Variants in ADGRG4 observed in about 807,000 individuals in gnomAD.
The protein encoded by ADGRG4 is adhesion G protein-coupled receptor G4.
A neutral mutation model predicts 126.2 loss-of-function variants in ADGRG4; 122 were observed. The observed-to-expected ratio is 0.97, with a 90% CI of 0.83 to 1.12. The LOEUF (loss-of-function observed/expected upper bound fraction) is 1.12, where lower values mean the gene tolerates loss of function less well. Ranked by LOEUF, ADGRG4 falls within the 50% of genes most tolerant of loss-of-function variation. The pLI is 0.00. For missense variants in ADGRG4, 2,481 were observed against 2,251.8 expected, an observed-to-expected ratio of 1.10 and a Z score of -2.06; for synonymous variants, 943 against 838.7, an observed-to-expected ratio of 1.12 and a Z score of -2.15.
intron 5 of ADGRG4, among the ~76,000 whole-genome samples, chrX:136,330,497 G>A (rs1293570384): frequency 9.3e-6 from 1 of 107,817 alleles, no homozygotes; most frequent in Non-Finnish European, 1.9e-5. Flanking sequence ...GTATGGATAT[G>A]TTACAGTTTA....
intron 13 of ADGRG4, among the ~76,000 whole-genome samples, chrX:136,363,825 T>C (rs1284331794): frequency 9.0e-6 from 1 of 111,377 alleles, no homozygotes; most frequent in Non-Finnish European, 1.9e-5. Context: ...ATATATATAT[T>C]TGAGATGGAG....
At chrX:136,407,535 A>G (rs139210758) in intron 23 of ADGRG4, among the ~76,000 whole-genome samples, 38 of 111,673 alleles carry the variant, frequency 3.4e-4, no homozygotes, top group African/African-American at 1.1e-3. Flanking sequence ...TGGTTTTTGC[A>G]TTTATGTTTT....
intron 5 of ADGRG4, among the ~76,000 whole-genome samples, chrX:136,339,563 G>A (rs184282626): frequency 3.4e-3 from 378 of 112,271 alleles, no homozygotes; most frequent in Non-Finnish European, 6.4e-3. Context: ...AGCCTACTTG[G>A]ACTGACTTCT....
intron 15 of ADGRG4, among the ~76,000 whole-genome samples, chrX:136,378,095 G>A (rs1369058708): frequency 3.6e-5 from 4 of 111,066 alleles, no homozygotes; most frequent in African/African-American, 1.3e-4. Flanking sequence ...GTAATATTGA[G>A]TCTTCTAATC....
At chrX:136,333,751 C>G (rs1266426256) in intron 5 of ADGRG4, among the ~76,000 whole-genome samples, 1 of 111,558 alleles carries the variant, frequency 9.0e-6, no homozygotes, top group Non-Finnish European at 1.9e-5. Flanking sequence ...CTCTTGACCT[C>G]AAATTCTCCA....
chrX:136,414,676 G>A (rs1007078150), intron 25 of ADGRG4, among the ~76,000 whole-genome samples: 17 of 112,327 alleles, frequency 1.5e-4, no homozygotes, highest in African/African-American at 2.6e-4. Flanking sequence ...AGTCCAATCC[G>A]TTCATTTTAC....
At chrX:136,380,651 CCTCCTCCTCCTCCTCCTCT>C (rs2075257889) in intron 15 of ADGRG4, among the ~76,000 whole-genome samples, 1 of 73,191 alleles carries the variant, frequency 1.4e-5, no homozygotes, top group Non-Finnish European at 2.7e-5. Flanking sequence ...TCTTCTTCTT[CCTCCTCCTCCTCCTCCTCT>C]TCCTCCTCCT....
At chrX:136,355,171 A>G (rs954665548) in intron 8 of ADGRG4, among the ~76,000 whole-genome samples, 1 of 110,775 alleles carries the variant, frequency 9.0e-6, no homozygotes, top group African/African-American at 3.3e-5. Context: ...AAAGACTGTA[A>G]CAAGGGCTAT....
At chrX:136,387,672 G>A in intron 15 of ADGRG4, 68 bp from the exon 16 acceptor site, 1 of 1,032,475 alleles carries the variant, frequency 9.7e-7, no homozygotes, top group South Asian at 2.1e-5. Context: ...AGCTGGGGTG[G>A]GAGGTGGGCA....
chrX:136,346,359 T>C lies in ADGRG4; in HGVS notation c.2653T>C (p.Ser885Pro). 2.5e-6 allele frequency: 3 copies of C among 1,209,722 alleles called. No individual in the cohort carries two copies. The highest frequency in any genetic ancestry group is 3.4e-6 in the Non-Finnish European group (3 of 894,364). The change falls in exon 6 of 26, where the codon TCC (serine) becomes CCC (proline). Residue 885 changes from serine (S) to proline (P), a missense_variant. Coordinates refer to ENST00000394143, the MANE Select transcript of ADGRG4 (RefSeq NM_153834.4). ...AQRVTASVTV[S>P]SFPDIEKLST... ...AAGGGTGACAGCTTCTGTCACTGTT[T>C]CCTCTTTTCCTGATATAGAAAAGCT...
At chrX:136,333,608 C>T (rs921660031) in intron 5 of ADGRG4, among the ~76,000 whole-genome samples, 4 of 111,692 alleles carry the variant, frequency 3.6e-5, no homozygotes, top group African/African-American at 1.3e-4. Flanking sequence ...ACTTCCACCT[C>T]CTGGATTCAA....
chrX:136,316,310 T>C (rs1440336740), intron 4 of ADGRG4, among the ~76,000 whole-genome samples: 1 of 110,402 alleles, frequency 9.1e-6, no homozygotes, highest in Non-Finnish European at 1.9e-5. Flanking sequence ...CTTTGCCTTC[T>C]AAGAAAGGGT....
chrX:136,348,151 C>T lies in ADGRG4; in HGVS notation c.4445C>T (p.Ser1482Phe). Residue 1482 changes from serine to phenylalanine, a missense_variant, in exon 6 of 26, where the codon TCC (serine) becomes TTC (phenylalanine). Coordinates refer to ENST00000394143, the MANE Select transcript of ADGRG4 (RefSeq NM_153834.4). ...GLYNDGFTVLSDRITTAFSVP... is the reference protein window; with the variant it reads ...GLYNDGFTVLFDRITTAFSVP... ...TATAATGACGGTTTTACAGTTCTCTCCGACAGGATCACTACAGCCTTTTCT... is the reference window on the plus strand; with the variant it reads ...TATAATGACGGTTTTACAGTTCTCTTCGACAGGATCACTACAGCCTTTTCT... 3.3e-6 allele frequency: 4 copies of T among 1,209,233 alleles called. No homozygotes were observed. Among genetic ancestry groups the T allele is most frequent in the South Asian group, 3.5e-5 (2 of 56,843 alleles).
In ADGRG4 at chrX:136,387,875, G is replaced by T. The variant is rs1241725448; in HGVS notation, c.7911+1G>T. 4 of 1,202,983 alleles carry T rather than the reference G, an allele frequency of 3.3e-6. No individual in the cohort carries two copies. Among genetic ancestry groups the T allele is most frequent in the Non-Finnish European group, 4.5e-6 (4 of 889,938 alleles). On this transcript the variant is annotated splice_donor_variant, in intron 16 of 25. Transcript: ENST00000394143. LOFTEE classifies it high-confidence loss of function. ...CTTTGGCCAAACTTCACTCTTTAAG[G>T]TAAATTCTTGCCTGTGGTAACTGTG...
In ADGRG4 at chrX:136,392,363, T is replaced by A; in HGVS notation, c.8034+9T>A. The A allele has an allele frequency of 8.7e-7, 1 of 1,143,077 alleles. No individual in the cohort carries two copies. The highest frequency in any genetic ancestry group is 1.2e-6 in the Non-Finnish European group (1 of 855,685). The allele number at this position is 1,143,077 out of a possible 1,213,427, so 94.2% of individuals were successfully genotyped here. On this transcript the variant is annotated intron_variant, in intron 17 of 25. Transcript: ENST00000394143. ...ATATTGGAGGAAACCAGGTAATATA[T>A]CTATTTTCAGCTCAGAATCAAATGG...
chrX:136,347,284 G>A lies in ADGRG4; in HGVS notation c.3578G>A (p.Gly1193Asp), dbSNP rs754421302. ...YALSFPYTFS[G>D]GGVVASLATG... is the part of the protein sequence containing the mutation. ...CTCAGCTTCCCATATACTTTCAGTG[G>A]TGGTGGAGTTGTTGCCAGCTTGGCT... Residue 1193 changes from glycine to aspartate, a missense_variant, in exon 6 of 26, where the codon GGT (glycine) becomes GAT (aspartate). By Grantham distance (94) the Gly-to-Asp change is moderately conservative. Transcript: ENST00000394143. The A allele has an allele frequency of 1.7e-6, 2 of 1,211,256 alleles. No homozygotes were observed. The highest frequency in any genetic ancestry group is 2.2e-5 in the Admixed American group (1 of 46,003).
intron 1 of ADGRG4, among the ~76,000 whole-genome samples, chrX:136,303,882 G>A (rs905799380): frequency 2.7e-4 from 30 of 110,481 alleles, no homozygotes; most frequent in African/African-American, 9.5e-4. Flanking sequence ...CAGATTAAGG[G>A]TCTTTTCTAG....
chrX:136,345,270 A>G lies in ADGRG4; in HGVS notation c.1564A>G (p.Thr522Ala). The G allele has an allele frequency of 8.3e-7, 1 of 1,210,829 alleles. No individual in the cohort carries two copies. The highest frequency in any genetic ancestry group is 1.1e-6 in the Non-Finnish European group (1 of 894,760). ...TATTGAGACCACACCTGCCCCAAGG[A>G]CAGCTGAAACAGAATTGACATCTAC... Reference protein sequence around the residue: ...RLIETTPAPRTAETELTSTNF... With the variant: ...RLIETTPAPRAAETELTSTNF... The change falls in exon 6 of 26, where the codon ACA (threonine) becomes GCA (alanine). Residue 522 changes from threonine (T) to alanine (A), a missense_variant. By Grantham distance (58) the Thr-to-Ala change is moderately conservative. Coordinates refer to ENST00000394143, the MANE Select transcript of ADGRG4 (RefSeq NM_153834.4).
intron 20 of ADGRG4, 35 bp downstream of exon 20, chrX:136,398,037 A>G (rs140347681): frequency 1.3e-4 from 147 of 1,167,318 alleles, no homozygotes; most frequent in Non-Finnish European, 1.6e-4. Flanking sequence ...AGCACATTTA[A>G]TTTGGTTTGA....
Sources: gnomAD v4.1 joint callset for allele counts (sites outside exome capture counted in the v4.1 genomes callset) on GRCh38, gnomAD v4.1.1 for gene constraint, MANE v1.5 for transcripts, NCBI Gene and HGNC (gene_info 2026-07-23, HGNC 2026-07-21) for gene names.